Variants in RXFP1 observed in about 807,000 individuals in gnomAD.
The protein encoded by RXFP1 is relaxin family peptide receptor 1.
Under a neutral mutation model 89.8 loss-of-function variants are expected in RXFP1, and 73 were observed. The observed-to-expected ratio is 0.81, with a 90% CI of 0.67 to 0.99. The LOEUF (loss-of-function observed/expected upper bound fraction) is 0.99. Ranked by LOEUF, RXFP1 falls within the 50% of genes least tolerant of loss-of-function variation. The pLI is 0.00. For missense variants in RXFP1, 793 were observed against 895.5 expected, an observed-to-expected ratio of 0.89 and a Z score of 1.46; for synonymous variants, 277 against 305.5, an observed-to-expected ratio of 0.91 and a Z score of 0.97.
In RXFP1 at chr4:158,617,167, T is replaced by A; in HGVS notation, c.717T>A (p.Asp239Glu). The A allele has an allele frequency of 6.2e-7, 1 of 1,610,950 alleles. No homozygotes were observed. ...ATAACGTCCTCACCCGTTTACCTGA[T>A]AAACCTCTCTGTCAACACATGCCAA... is the stretch of plus-strand genomic sequence containing the variant. ...LMNNVLTRLPDKPLCQHMPRL... is the reference protein window; with the variant it reads ...LMNNVLTRLPEKPLCQHMPRL... Residue 239 changes from aspartate to glutamate, a missense_variant, in exon 9 of 18, where the codon GAT becomes GAA. Asp to Glu is a conservative substitution (Grantham distance 45). Coordinates refer to ENST00000307765, the MANE Select transcript of RXFP1 (RefSeq NM_021634.4).
intron 1 of RXFP1, among the ~76,000 whole-genome samples, chr4:158,563,534 ACAC>A (rs1561017131): frequency 9.3e-6 from 1 of 107,164 alleles, no homozygotes; most frequent in Non-Finnish European, 2.0e-5. Flanking sequence ...ACACACACAC[ACAC>A]CCCAACAGGA....
intron 1 of RXFP1, among the ~76,000 whole-genome samples, chr4:158,549,319 T>C (rs1579522924): frequency 6.6e-6 from 1 of 152,348 alleles, no homozygotes; most frequent in Non-Finnish European, 1.5e-5. Flanking sequence ...TTTAAGGACT[T>C]CTCTGTGTTG....
chr4:158,597,046 G>T (rs1579934176), intron 3 of RXFP1, among the ~76,000 whole-genome samples: 1 of 152,148 alleles, frequency 6.6e-6, no homozygotes, highest in Non-Finnish European at 1.5e-5. Flanking sequence ...AAGACAATTT[G>T]TGGGGGGTAG....
chr4:158,603,630 G>T (rs1047910278), intron 4 of RXFP1, among the ~76,000 whole-genome samples: 1 of 151,406 alleles, frequency 6.6e-6, no homozygotes. Context: ...AGTGGCTCAC[G>T]CCTGTAATCC....
chr4:158,639,466 T>G, intron 14 of RXFP1, 135 bp downstream of exon 14: 1 of 616,176 alleles, frequency 1.6e-6, no homozygotes, highest in Non-Finnish European at 2.9e-6. Flanking sequence ...TCCTCCAAAA[T>G]GTATATATTG....
chr4:158,593,095 A>AAAAC, intron 2 of RXFP1, among the ~76,000 whole-genome samples: 1 of 127,618 alleles, frequency 7.8e-6, no homozygotes, highest in African/African-American at 4.9e-5. Flanking sequence ...TCAAAAAAAA[A>AAAAC]AAAACAAAAA....
chr4:158,573,557 G>T (rs1215461332), intron 2 of RXFP1, among the ~76,000 whole-genome samples: 2 of 152,060 alleles, frequency 1.3e-5, no homozygotes, highest in Admixed American at 1.3e-4. Context: ...TGTGGCCCAA[G>T]ACAACTCTTC....
At chr4:158,600,587 ATT>A (rs1404305157) in intron 4 of RXFP1, among the ~76,000 whole-genome samples, 1 of 152,214 alleles carries the variant, frequency 6.6e-6, no homozygotes, top group African/African-American at 2.4e-5. Context: ...CACTTCTCTG[ATT>A]TAAATTCTAA....
At chr4:158,572,934 G>T in intron 2 of RXFP1, 99 bp downstream of exon 2, 1 of 1,496,224 alleles carries the variant, frequency 6.7e-7, no homozygotes, top group Non-Finnish European at 9.0e-7. Context: ...AAACTAAATT[G>T]AAATACAAAA....
At position 158,639,114 on chromosome 4, in the gene RXFP1, G is replaced by A; in HGVS notation, c.1044-146G>A. 4 of 535,578 alleles carry A rather than the reference G, an allele frequency of 7.5e-6. No homozygotes were observed. In the East Asian group the frequency reaches 1.2e-4, roughly 16 times the overall value. The allele number at this position is 535,578 out of a possible 1,614,324, so 33.2% of individuals were successfully genotyped here. On this transcript the variant is annotated intron_variant, in intron 13 of 17. Coordinates refer to ENST00000307765, the MANE Select transcript of RXFP1 (RefSeq NM_021634.4). Reference sequence around the variant, plus strand: ...ACAATCAGAAGGAGGAGGATTTGGGGAAGTGGGTGGGTTGAGTATAATTAT... The same window carrying A: ...ACAATCAGAAGGAGGAGGATTTGGGAAAGTGGGTGGGTTGAGTATAATTAT...
chr4:158,528,521 A>G (rs1396475167), intron 1 of RXFP1, among the ~76,000 whole-genome samples: 1 of 152,126 alleles, frequency 6.6e-6, no homozygotes, highest in Non-Finnish European at 1.5e-5. Context: ...AGAAAAAAAA[A>G]GCTCAGAGTA....
intron 17 of RXFP1, among the ~76,000 whole-genome samples, chr4:158,649,959 T>C (rs1772331342): frequency 6.6e-6 from 1 of 152,226 alleles, no homozygotes; most frequent in African/African-American, 2.4e-5. Context: ...GCAGCATTAT[T>C]CACAATAGCC....
At chr4:158,544,087 C>T (rs1747556961) in intron 1 of RXFP1, 11 of 979,924 alleles carry the variant, frequency 1.1e-5, no homozygotes, top group Non-Finnish European at 1.3e-5. Context: ...GAAGAACTAA[C>T]AAGAGAACCA....
chr4:158,521,831 A>G (rs1741243176), upstream of RXFP1: 2 of 570,242 alleles, frequency 3.5e-6, no homozygotes, highest in East Asian at 3.1e-5. Flanking sequence ...AGAGAAAGGA[A>G]ATGGGAGTGG....
At chr4:158,550,070 C>G (rs887846258) in intron 1 of RXFP1, among the ~76,000 whole-genome samples, 20 of 152,252 alleles carry the variant, frequency 1.3e-4, no homozygotes, top group African/African-American at 4.6e-4. Flanking sequence ...CAGAGGCAGG[C>G]AGGCCTCCTT....
At chr4:158,548,830 T>A (rs1297077250) in intron 1 of RXFP1, among the ~76,000 whole-genome samples, 1 of 152,248 alleles carries the variant, frequency 6.6e-6, no homozygotes, top group African/African-American at 2.4e-5. Flanking sequence ...GCTGTTAGTC[T>A]CATGAGCTTC....
rs544554409 is a variant in RXFP1, at chr4:158,565,549, C to G, written c.50-7149C>G. ...ATAGCAGGGAAAATGCAAGATGATC[C>G]TGAAACATCTTGTAGTGCCAGAAAG... is the stretch of plus-strand genomic sequence containing the variant. On this transcript the variant is annotated intron_variant, in intron 1 of 17. Coordinates refer to ENST00000307765, the MANE Select transcript of RXFP1 (RefSeq NM_021634.4). 3.3e-5 allele frequency among the ~76,000 whole-genome samples: 5 copies of G among 152,192 alleles called. No homozygotes were observed. The South Asian group carries it at 1.0e-3, about 32-fold the overall frequency.
chr4:158,523,961 T>C (rs1431837994), intron 1 of RXFP1, among the ~76,000 whole-genome samples: 1 of 152,250 alleles, frequency 6.6e-6, no homozygotes, highest in East Asian at 1.9e-4. Flanking sequence ...TGTGATATCA[T>C]GGAAGACACC....
chr4:158,567,875 G>A (rs143317763), intron 1 of RXFP1, among the ~76,000 whole-genome samples: 3 of 152,358 alleles, frequency 2.0e-5, no homozygotes, highest in East Asian at 1.9e-4. Context: ...CAAGTCAGCA[G>A]TGGCAACCCG....
Sources: gnomAD v4.1 joint callset for allele counts (sites outside exome capture counted in the v4.1 genomes callset) on GRCh38, gnomAD v4.1.1 for gene constraint, MANE v1.5 for transcripts, NCBI Gene and HGNC (gene_info 2026-07-23, HGNC 2026-07-21) for gene names.